Variants in STRN observed in about 807,000 individuals in gnomAD.
The protein encoded by STRN is protein phosphatase 2 regulatory subunit B'''alpha.
Under a neutral mutation model 96.3 loss-of-function variants are expected in STRN, and 53 were observed. That is an observed-to-expected ratio of 0.55 (90% CI 0.44 to 0.69). The LOEUF (loss-of-function observed/expected upper bound fraction) is 0.69. Ranked by LOEUF, STRN falls within the 30% of genes least tolerant of loss-of-function variation. STRN has a pLI of 0.00. For missense variants in STRN, 987 were observed against 963.9 expected (o/e 1.02, Z -0.32); for synonymous variants, 428 against 355.9 (o/e 1.20, Z -2.28).
chr2:36,842,523 A>G lies in STRN; in HGVS notation c.*6933T>C, dbSNP rs1187369990. 1 of 152,172 alleles carries G rather than the reference A, an allele frequency of 6.6e-6. No homozygotes were observed. Among genetic ancestry groups the G allele is most frequent in the Non-Finnish European group, 1.5e-5 (1 of 68,016 alleles). 9.4% of individuals were successfully genotyped at this position (152,172 alleles called of 1,614,324 possible). A position where few individuals can be genotyped will look rare whatever the true frequency, so the allele number is the denominator to read the frequency against. The stretch of plus-strand genomic sequence containing the variant: ...CACTCTTCACGTAAGGTGAATGGCT[A>G]AATCACCAAGGACAAGATACTTTTC... On this transcript the variant is annotated 3_prime_UTR_variant, in exon 18 of 18. Coordinates refer to ENST00000263918, the MANE Select transcript of STRN (RefSeq NM_003162.4).
intron 1 of STRN, among the ~76,000 whole-genome samples, chr2:36,934,567 G>A (rs182391352): frequency 3.1e-4 from 47 of 152,258 alleles, no homozygotes; most frequent in African/African-American, 9.9e-4. Flanking sequence ...CTGTTGATAG[G>A]TATATAATCT....
chr2:36,956,889 T>C (rs951322168), intron 1 of STRN, among the ~76,000 whole-genome samples: 1 of 152,238 alleles, frequency 6.6e-6, no homozygotes, highest in South Asian at 2.1e-4. Flanking sequence ...TTTCCAGTTA[T>C]GGTGCCCCAC....
Position 36,925,323 on chromosome 2 carries a change from A to C in STRN, c.235-115T>G, listed in dbSNP as rs1339582118. On this transcript the variant is annotated intron_variant, in intron 1 of 17. Transcript: ENST00000263918. ...TTAGATGCAAAAATATTTCCTTTAC[A>C]CATTTCTCACAAAGTATGTACAAAT... 4 of 671,898 alleles carry C rather than the reference A, an allele frequency of 6.0e-6. No homozygotes were observed. In the African/African-American group the frequency reaches 7.3e-5, roughly 12 times the overall value. 41.6% of individuals were successfully genotyped at this position (671,898 alleles called of 1,614,324 possible). A position where few individuals can be genotyped will look rare whatever the true frequency, so the allele number is the denominator to read the frequency against.
intron 1 of STRN, among the ~76,000 whole-genome samples, chr2:36,960,997 A>G (rs7424096): frequency 1.3e-5 from 2 of 151,810 alleles, no homozygotes; most frequent in Admixed American, 6.6e-5. Context: ...CCAGGGCTCA[A>G]GCAATCCTCC....
intron 10 of STRN, among the ~76,000 whole-genome samples, chr2:36,874,242 C>T (rs1198099066): frequency 6.8e-5 from 10 of 146,906 alleles, no homozygotes; most frequent in South Asian, 2.1e-4. Flanking sequence ...ACAGCCTGGG[C>T]GACAAAGCAA....
chr2:36,893,473 C>T (rs184564172), intron 7 of STRN, among the ~76,000 whole-genome samples: 128 of 152,098 alleles, frequency 8.4e-4, no homozygotes, highest in African/African-American at 3.0e-3. Flanking sequence ...ATGCCTTTTA[C>T]GAACTGTCAA....
rs1395093783 is a variant in STRN, at chr2:36,925,147, A to G, written c.296T>C (p.Val99Ala). The G allele has an allele frequency of 6.2e-7, 1 of 1,613,792 alleles. No homozygotes were observed. The highest frequency in any genetic ancestry group is 2.2e-5 in the East Asian group (1 of 44,898). The change falls in exon 2 of 18, where the codon GTG becomes GCG. Residue 99 changes from valine (V) to alanine (A), a missense_variant. Coordinates refer to ENST00000263918, the MANE Select transcript of STRN (RefSeq NM_003162.4). ...KGQENLKKDL[V>A]RRIKMLEYAL... ...ATACTCCAACATTTTGATCCTCCTC[A>G]CAAGATCCTTCTTCAAATTTTCTTG...
chr2:36,912,094 A>G (rs889145274), intron 3 of STRN, among the ~76,000 whole-genome samples: 2 of 152,140 alleles, frequency 1.3e-5, no homozygotes, highest in African/African-American at 4.8e-5. Flanking sequence ...TCTCCTGGTA[A>G]TGATAAAAGA....
At chr2:36,894,074 TC>T in intron 6 of STRN, 41 bp from the exon 7 acceptor site, 1 of 1,587,484 alleles carries the variant, frequency 6.3e-7, no homozygotes, top group Non-Finnish European at 8.5e-7. Context: ...GGAGATAGTT[TC>T]CCTTTACCAC....
rs1668020480 is a variant in STRN at position 36,844,592 on chromosome 2, T to C, written c.*4864A>G. On this transcript the variant is annotated 3_prime_UTR_variant, in exon 18 of 18. Coordinates refer to ENST00000263918, the MANE Select transcript of STRN (RefSeq NM_003162.4). ...CTTGGATTAGCAAAGATCCAGAAAA[T>C]TCTGACCCCCTAAGCACCACTTTAG... The C allele has an allele frequency of 6.6e-6, 1 of 152,062 alleles. No individual in the cohort carries two copies. The highest frequency in any genetic ancestry group is 2.4e-5 in the African/African-American group (1 of 41,416). 9.4% of individuals were successfully genotyped at this position (152,062 alleles called of 1,614,324 possible). A position where few individuals can be genotyped will look rare whatever the true frequency, so the allele number is the denominator to read the frequency against.
Position 36,903,716 on chromosome 2 carries a change from T to C in STRN, c.492-965A>G, listed in dbSNP as rs116929337. ...AGCTGAAAGAGTTATCTCAGAAATA[T>C]ATGTGATCAAAGGGAGTAAGTGTAT... On this transcript the variant is annotated intron_variant, in intron 4 of 17. Coordinates refer to ENST00000263918, the MANE Select transcript of STRN (RefSeq NM_003162.4). Among the ~76,000 whole-genome samples the C allele has an allele frequency of 1.6e-4, 24 of 152,348 alleles. No individual in the cohort carries two copies. In the East Asian group the frequency reaches 3.5e-3, roughly 22 times the overall value.
At chr2:36,883,667 G>C (rs1359492604) in intron 9 of STRN, among the ~76,000 whole-genome samples, 2 of 152,076 alleles carry the variant, frequency 1.3e-5, no homozygotes, top group African/African-American at 2.4e-5. Flanking sequence ...GGTATATATA[G>C]GGCCATGGGC....
At chr2:36,901,637 T>C (rs1669686459) in intron 5 of STRN, among the ~76,000 whole-genome samples, 1 of 151,776 alleles carries the variant, frequency 6.6e-6, no homozygotes, top group Non-Finnish European at 1.5e-5. Context: ...GAACTAAAGA[T>C]AATGTCCACA....
chr2:36,965,673 G>A (rs972978843), intron 1 of STRN, among the ~76,000 whole-genome samples: 1 of 152,160 alleles, frequency 6.6e-6, no homozygotes, highest in Admixed American at 6.5e-5. Context: ...GTGGAGAACA[G>A]ACATTTACAT....
rs1451548066 is a variant in STRN at position 36,840,476 on chromosome 2, A to C, written c.*8980T>G. On this transcript the variant is annotated 3_prime_UTR_variant, in exon 18 of 18. Transcript: ENST00000263918. ...CCAAATTCCTCTCCAGTCAAGGTGCAGACCTCAATCTCAGGATAAGCTCCA... is the reference window on the plus strand; with the variant it reads ...CCAAATTCCTCTCCAGTCAAGGTGCCGACCTCAATCTCAGGATAAGCTCCA... 1 of 151,976 alleles carries C rather than the reference A, an allele frequency of 6.6e-6. No individual in the cohort carries two copies. The highest frequency in any genetic ancestry group is 2.4e-5 in the African/African-American group (1 of 41,366). 9.4% of individuals were successfully genotyped at this position (151,976 alleles called of 1,614,324 possible).
intron 6 of STRN, among the ~76,000 whole-genome samples, chr2:36,895,528 A>T (rs1385419169): frequency 6.6e-6 from 1 of 152,250 alleles, no homozygotes; most frequent in East Asian, 1.9e-4. Flanking sequence ...GGGAACAGAA[A>T]ACCCGTGCTG....
rs543582666 is a variant in STRN at position 36,886,899 on chromosome 2, T to C, written c.932-73A>G. The C allele has an allele frequency of 1.9e-4, 221 of 1,190,540 alleles. 2 individuals carry two copies. The South Asian group carries it at 2.3e-3, about 12-fold the overall frequency. The allele number at this position is 1,190,540 out of a possible 1,614,324, so 73.7% of individuals were successfully genotyped here. On this transcript the variant is annotated intron_variant, in intron 7 of 17. Coordinates refer to ENST00000263918, the MANE Select transcript of STRN (RefSeq NM_003162.4). ...AACACTCTGAGTCAGTATGTCTGAA[T>C]GACGTAACAACCACTTTCTTTATAG...
At chr2:36,920,847 C>A (rs563968297) in intron 2 of STRN, among the ~76,000 whole-genome samples, 3 of 151,852 alleles carry the variant, frequency 2.0e-5, no homozygotes, top group Non-Finnish European at 2.9e-5. Flanking sequence ...GAGGCCAAGG[C>A]GGGCGGATCA....
intron 7 of STRN, among the ~76,000 whole-genome samples, chr2:36,890,363 C>A (rs1208925012): frequency 2.0e-5 from 3 of 151,776 alleles, no homozygotes; most frequent in Non-Finnish European, 4.4e-5. Flanking sequence ...GACAGAGTCC[C>A]TGAAGGTAAT....
Sources: gnomAD v4.1 joint callset for allele counts (sites outside exome capture counted in the v4.1 genomes callset) on GRCh38, gnomAD v4.1.1 for gene constraint, MANE v1.5 for transcripts, NCBI Gene and HGNC (gene_info 2026-07-23, HGNC 2026-07-21) for gene names.